KAT6B: variants seen among roughly 807,000 people sequenced by gnomAD.
KAT6B encodes the protein histone acetyltransferase KAT6B.
A neutral mutation model predicts 187.5 loss-of-function variants in KAT6B; 10 were observed. The ratio of observed to expected loss-of-function variants is 0.05; its 90% CI spans 0.03 to 0.09. KAT6B has a LOEUF of 0.09. KAT6B is among the 10% of genes least tolerant of loss of function. The pLI is 1.00. For synonymous variants in KAT6B, 861 were observed against 926.8 expected, an observed-to-expected ratio of 0.93 and a Z score of 1.29; for missense variants, 1,952 against 2,558.9, an observed-to-expected ratio of 0.76 and a Z score of 5.12.
At chr10:74,909,096 G>A (rs1341796250) in intron 3 of KAT6B, among the ~76,000 whole-genome samples, 4 of 152,238 alleles carry the variant, frequency 2.6e-5, no homozygotes, top group African/African-American at 4.8e-5. Flanking sequence ...AAGTAAGGCC[G>A]TGTATGGTGG....
chr10:74,929,062 C>T (rs1397996404), intron 3 of KAT6B, among the ~76,000 whole-genome samples: 1 of 152,154 alleles, frequency 6.6e-6, no homozygotes, highest in Non-Finnish European at 1.5e-5. Context: ...GGGCTTTGTA[C>T]TGGGAAGTGC....
At chr10:74,934,601 C>G (rs1006606069) in intron 3 of KAT6B, among the ~76,000 whole-genome samples, 8 of 152,170 alleles carry the variant, frequency 5.3e-5, no homozygotes, top group African/African-American at 1.9e-4. Context: ...TCTCATTTCC[C>G]TCATCTGCTG....
intron 3 of KAT6B, among the ~76,000 whole-genome samples, chr10:74,852,867 T>G (rs1340494775): frequency 2.0e-5 from 3 of 152,208 alleles, no homozygotes; most frequent in African/African-American, 7.2e-5. Flanking sequence ...GGAGTTACTC[T>G]TGTATTCCCA....
intron 13 of KAT6B, among the ~76,000 whole-genome samples, chr10:75,011,704 T>C (rs1440672744): frequency 1.3e-5 from 2 of 152,198 alleles, no homozygotes; most frequent in African/African-American, 4.8e-5. Context: ...TCATAGTCAG[T>C]CACCTTATTA....
intron 3 of KAT6B, among the ~76,000 whole-genome samples, chr10:74,865,672 C>T (rs930416554): frequency 5.3e-5 from 8 of 151,978 alleles, no homozygotes; most frequent in Non-Finnish European, 1.0e-4. Context: ...TGCACCACCA[C>T]GCCTGGCTAA....
intron 13 of KAT6B, among the ~76,000 whole-genome samples, chr10:75,006,463 T>A (rs1465948694): frequency 6.6e-6 from 1 of 152,146 alleles, no homozygotes; most frequent in Non-Finnish European, 1.5e-5. Flanking sequence ...TTTTTAAAAA[T>A]TTTTTGAGAC....
At chr10:74,927,210 CTT>C (rs1248168947) in intron 3 of KAT6B, among the ~76,000 whole-genome samples, 37 of 152,352 alleles carry the variant, frequency 2.4e-4, no homozygotes, top group Admixed American at 1.8e-3. Context: ...CCTATTCAGA[CTT>C]CTGTGCATTA....
intron 13 of KAT6B, among the ~76,000 whole-genome samples, chr10:75,004,013 C>T (rs1266461021): frequency 6.6e-6 from 1 of 150,516 alleles, no homozygotes; most frequent in Non-Finnish European, 1.5e-5. Flanking sequence ...TTTTGCCTTA[C>T]ATAGCTCAGA....
chr10:74,953,112 A>C (rs967401909), intron 3 of KAT6B, among the ~76,000 whole-genome samples: 5 of 151,240 alleles, frequency 3.3e-5, no homozygotes, highest in African/African-American at 1.2e-4. Flanking sequence ...TTTTCCTTTT[A>C]TTAAATAGTT....
chr10:74,839,231 AT>A (rs55994102), intron 2 of KAT6B, among the ~76,000 whole-genome samples: 39,736 of 138,046 alleles, frequency 0.29, 9,486 homozygotes, highest in African/African-American at 0.66. Flanking sequence ...TATGAAACAC[AT>A]TTTTTTTTTT....
At chr10:74,987,290 G>T (rs1172961679) in intron 12 of KAT6B, among the ~76,000 whole-genome samples, 2 of 152,106 alleles carry the variant, frequency 1.3e-5, no homozygotes, top group Non-Finnish European at 2.9e-5. Flanking sequence ...ACAAAAATTA[G>T]CTGGGCATTG....
chr10:75,025,572 T>C, intron 17 of KAT6B: 1 of 289,170 alleles, frequency 3.5e-6, no homozygotes, highest in Non-Finnish European at 6.6e-6. Context: ...AATATGTACT[T>C]TTTTTTTTCA....
intron 2 of KAT6B, among the ~76,000 whole-genome samples, chr10:74,840,620 T>C (rs918756282): frequency 6.6e-6 from 1 of 152,216 alleles, no homozygotes; most frequent in East Asian, 1.9e-4. Flanking sequence ...TAAAGACTCA[T>C]TGCCCATCTA....
chr10:75,028,015 T>C (rs1001406131), intron 17 of KAT6B, among the ~76,000 whole-genome samples: 1 of 152,230 alleles, frequency 6.6e-6, no homozygotes, highest in Non-Finnish European at 1.5e-5. Context: ...TCCAAGATCA[T>C]TTACATCCTA....
chr10:74,848,396 T>G (rs1265505769), intron 3 of KAT6B, among the ~76,000 whole-genome samples: 1 of 152,100 alleles, frequency 6.6e-6, no homozygotes, highest in Non-Finnish European at 1.5e-5. Flanking sequence ...TCCCAGCTAC[T>G]CAGGAGGCTG....
In KAT6B at chr10:74,840,224, A is replaced by G. The variant is rs1271928928; in HGVS notation, c.-259+1472A>G. On this transcript the variant is annotated intron_variant, in intron 2 of 17. Coordinates refer to ENST00000287239, the MANE Select transcript of KAT6B (RefSeq NM_012330.4). The stretch of plus-strand genomic sequence containing the variant: ...ATAATTGGATAATGCCTGAACTGTC[A>G]TATTTTAAGATGGCCAATAGCCAAA... 2.6e-5 allele frequency among the ~76,000 whole-genome samples: 4 copies of G among 152,216 alleles called. No individual in the cohort carries two copies. In the East Asian group the frequency reaches 5.8e-4, roughly 22 times the overall value.
chr10:74,858,781 C>T lies in KAT6B; in HGVS notation c.621+15303C>T, dbSNP rs529969748. Among the ~76,000 whole-genome samples, 5 of 151,890 alleles carry T rather than the reference C, an allele frequency of 3.3e-5. No individual in the cohort carries two copies. The South Asian group carries it at 1.0e-3, about 32-fold the overall frequency. On this transcript the variant is annotated intron_variant, in intron 3 of 17. Coordinates refer to ENST00000287239, the MANE Select transcript of KAT6B (RefSeq NM_012330.4). ...ACCAGCCTGGGCAACATGGCGAAAC[C>T]CCATCTCTACTAAAAATGTAAAAAT...
At chr10:74,846,489 A>G (rs193278825) in intron 3 of KAT6B, among the ~76,000 whole-genome samples, 1 of 151,918 alleles carries the variant, frequency 6.6e-6, no homozygotes, top group Admixed American at 6.6e-5. Context: ...ACCAGGCTGG[A>G]GTACAGTGGC....
intron 13 of KAT6B, among the ~76,000 whole-genome samples, chr10:74,991,782 G>T (rs539149929): frequency 2.6e-5 from 4 of 152,028 alleles, no homozygotes; most frequent in African/African-American, 9.7e-5. Context: ...CAAAGAAAAT[G>T]GGAACTGGTG....
Sources: allele counts gnomAD v4.1 joint callset (sites outside exome capture counted in the v4.1 genomes callset), GRCh38; gene constraint gnomAD v4.1.1; transcripts MANE v1.5; gene names NCBI Gene and HGNC (gene_info 2026-07-23, HGNC 2026-07-21).